DIP2C: variants seen among roughly 807,000 people sequenced by gnomAD.
DIP2C encodes the protein DIP2 acetate--CoA ligase C (putative).
DIP2C carries 33 observed loss-of-function variants against 192.4 expected under a neutral mutation model. The observed-to-expected ratio is 0.17, with a 90% confidence interval of 0.13 to 0.23. The LOEUF (loss-of-function observed/expected upper bound fraction) is 0.23, where lower values mean the gene tolerates loss of function less well. DIP2C is among the 10% of genes least tolerant of loss of function. The pLI is 1.00. For missense variants in DIP2C, 1,537 were observed against 2,110.1 expected (o/e 0.73, Z 5.32); for synonymous variants, 979 against 864.1 (o/e 1.13, Z -2.33).
intron 3 of DIP2C, among the ~76,000 whole-genome samples, chr10:457,210 T>C (rs751292173): frequency 1.8e-4 from 27 of 152,214 alleles, no homozygotes; most frequent in Non-Finnish European, 3.8e-4. Context: ...TACAAGTCTA[T>C]GCATCTCCTA....
chr10:348,467 A>G (rs972579931), intron 26 of DIP2C, among the ~76,000 whole-genome samples, 174 bp downstream of exon 26: 6 of 152,100 alleles, frequency 3.9e-5, no homozygotes, highest in African/African-American at 1.4e-4. Flanking sequence ...TCTCGCTTCT[A>G]GACCTAGACT....
At chr10:394,132 T>TC in intron 10 of DIP2C, among the ~76,000 whole-genome samples, 1 of 152,360 alleles carries the variant, frequency 6.6e-6, no homozygotes, top group Non-Finnish European at 1.5e-5. Context: ...TGGAGTGTTA[T>TC]CCACAAGGGT....
intron 31 of DIP2C, among the ~76,000 whole-genome samples, chr10:326,410 G>C (rs1957274190): frequency 1.3e-5 from 2 of 152,082 alleles, no homozygotes; most frequent in Non-Finnish European, 2.9e-5. Context: ...GAGGGAGGTG[G>C]AGGGATGCAC....
At chr10:575,317 C>T (rs1490408368) in intron 1 of DIP2C, among the ~76,000 whole-genome samples, 2 of 152,134 alleles carry the variant, frequency 1.3e-5, no homozygotes, top group East Asian at 1.9e-4. Context: ...GTAAAATTCT[C>T]ATTTGAGGAT....
rs1003460148 is a variant in DIP2C, at chr10:357,757, TGGTCGCAGATGGTCG to T, written c.2904+56_2904+70del. Reference sequence around the variant, plus strand: ...GGGGACAGTCGGGTACTGTCGGGGATGGTCGCAGATGGTCGGGGACAGTCGGAAAAGTCGGGGACG... The same window carrying T: ...GGGGACAGTCGGGTACTGTCGGGGATGGGACAGTCGGAAAAGTCGGGGACG... On this transcript the variant is annotated intron_variant, in intron 23 of 36. Transcript: ENST00000280886. 70 of 1,155,546 alleles carry T rather than the reference TGGTCGCAGATGGTCG, an allele frequency of 6.1e-5. No individual in the cohort carries two copies. The African/African-American group carries it at 9.6e-4, about 16-fold the overall frequency. 71.6% of individuals were successfully genotyped at this position (1,155,546 alleles called of 1,614,324 possible).
chr10:624,781 G>A (rs1854088954), intron 1 of DIP2C, among the ~76,000 whole-genome samples: 1 of 152,218 alleles, frequency 6.6e-6, no homozygotes, highest in Non-Finnish European at 1.5e-5. Flanking sequence ...GAACCTGACT[G>A]ACACATGAAC....
In DIP2C at chr10:636,207, C is replaced by T. The variant is rs973175542; in HGVS notation, c.85+53287G>A. On this transcript the variant is annotated intron_variant, in intron 1 of 36. Coordinates refer to ENST00000280886, the MANE Select transcript of DIP2C (RefSeq NM_014974.3). The surrounding 1 kb of genome is among the most constrained non-coding windows in gnomAD (Gnocchi z 4.6). ...AGTCGACAGAACACCAACGGCTCGT[C>T]GGCTCGTCGGCTCTTCCCGGCTGAA... Among the ~76,000 whole-genome samples, 1 of 152,188 alleles carries T rather than the reference C, an allele frequency of 6.6e-6. No homozygotes were observed. Among genetic ancestry groups the T allele is most frequent in the Non-Finnish European group, 1.5e-5 (1 of 68,040 alleles).
chr10:571,052 A>G (rs1238260477), intron 1 of DIP2C, among the ~76,000 whole-genome samples: 1 of 152,190 alleles, frequency 6.6e-6, no homozygotes, highest in Non-Finnish European at 1.5e-5. Context: ...TGGCCTAACG[A>G]CACGAGAGTG....
chr10:334,134 G>A (rs1957632988), intron 29 of DIP2C, among the ~76,000 whole-genome samples: 1 of 151,812 alleles, frequency 6.6e-6, no homozygotes, highest in South Asian at 2.1e-4. Flanking sequence ...GCAAAACACT[G>A]TCTCTACTAA....
intron 3 of DIP2C, among the ~76,000 whole-genome samples, chr10:449,637 C>T (rs1176410147): frequency 2.2e-5 from 1 of 46,030 alleles, no homozygotes; most frequent in Non-Finnish European, 4.0e-5. Flanking sequence ...GTGGTGGGGT[C>T]GGGGGAGGGG....
chr10:519,387 TTC>T (rs1259152108), intron 1 of DIP2C, among the ~76,000 whole-genome samples: 3 of 152,220 alleles, frequency 2.0e-5, no homozygotes, highest in Non-Finnish European at 4.4e-5. Flanking sequence ...CTGCTGAGTT[TTC>T]GAGGTTTCTG....
At chr10:418,013 C>A (rs1191294996) in intron 6 of DIP2C, among the ~76,000 whole-genome samples, 2 of 50,004 alleles carry the variant, frequency 4.0e-5, no homozygotes, top group African/African-American at 8.4e-5. Context: ...TGTCAGGGCG[C>A]GGACAGGCCT....
At chr10:372,783 G>A (rs940048050) in intron 17 of DIP2C, among the ~76,000 whole-genome samples, 7 of 151,482 alleles carry the variant, frequency 4.6e-5, no homozygotes, top group South Asian at 2.1e-4. Context: ...GCACAGAAGC[G>A]CGGGAGCTCC....
At chr10:646,246 G>A (rs984401128) in intron 1 of DIP2C, among the ~76,000 whole-genome samples, 3 of 152,144 alleles carry the variant, frequency 2.0e-5, no homozygotes, top group African/African-American at 4.8e-5. Context: ...TTCCAGGAGC[G>A]ACTCACTGCC....
intron 9 of DIP2C, 77 bp downstream of exon 9, chr10:408,849 G>T: frequency 6.9e-7 from 1 of 1,441,234 alleles, no homozygotes; most frequent in Non-Finnish European, 9.6e-7. Context: ...GCTGAACTCT[G>T]TAATGTTTAA....
At chr10:349,516 C>T (rs1160103766) in intron 24 of DIP2C, 62 bp from the exon 25 acceptor site, 67 of 1,562,266 alleles carry the variant, frequency 4.3e-5, no homozygotes, top group East Asian at 1.4e-4. Flanking sequence ...TTGCAGAGAG[C>T]GCGCACGCGT....
intron 1 of DIP2C, among the ~76,000 whole-genome samples, chr10:588,441 G>T (rs1851212004): frequency 6.6e-6 from 1 of 152,248 alleles, no homozygotes; most frequent in Non-Finnish European, 1.5e-5. Flanking sequence ...GGAACCTGAG[G>T]CTCCGCACTG....
chr10:623,078 T>G (rs1853970525), intron 1 of DIP2C, among the ~76,000 whole-genome samples: 1 of 152,256 alleles, frequency 6.6e-6, no homozygotes, highest in Non-Finnish European at 1.5e-5. Context: ...AGGTGCATTC[T>G]GACAGGCGTG....
At chr10:452,841 G>A (rs570156342) in intron 3 of DIP2C, among the ~76,000 whole-genome samples, 1 of 152,192 alleles carries the variant, frequency 6.6e-6, no homozygotes, top group African/African-American at 2.4e-5. Flanking sequence ...CGAGAGAAGA[G>A]GGATAGACTT....
Sources: gnomAD v4.1 joint callset for allele counts (sites outside exome capture counted in the v4.1 genomes callset) on GRCh38, gnomAD v4.1.1 for gene constraint, Gnocchi (gnomAD v3.1) non-coding constraint, MANE v1.5 for transcripts, NCBI Gene and HGNC (gene_info 2026-07-23, HGNC 2026-07-21) for gene names.